ZNF536: variants seen among roughly 807,000 people sequenced by gnomAD.
ZNF536 encodes zinc finger protein 536.
Under a neutral mutation model 84.5 loss-of-function variants are expected in ZNF536, and 13 were observed. That is an observed-to-expected ratio of 0.15 (90% CI 0.10 to 0.24). The LOEUF (loss-of-function observed/expected upper bound fraction) is 0.24, where lower values mean the gene tolerates loss of function less well. Ranked by LOEUF, ZNF536 falls within the 10% of genes least tolerant of loss-of-function variation. The probability of loss-of-function intolerance (pLI) is 1.00; values close to 1 mark genes in which losing one functional copy is unlikely to be tolerated. For synonymous variants in ZNF536, 811 were observed against 742.5 expected (o/e 1.09, Z -1.50); for missense variants, 1,536 against 1,747.5 (o/e 0.88, Z 2.16).
intron 2 of ZNF536, among the ~76,000 whole-genome samples, chr19:30,478,213 T>G (rs1429742600): frequency 6.6e-6 from 1 of 151,812 alleles, no homozygotes; most frequent in African/African-American, 2.4e-5. Context: ...AACCAGATAT[T>G]AAGAAATATA....
intron 3 of ZNF536, among the ~76,000 whole-genome samples, chr19:30,362,517 A>C (rs1600391009): frequency 6.6e-6 from 1 of 152,174 alleles, no homozygotes; most frequent in African/African-American, 2.4e-5. Flanking sequence ...TCTTGGCTCC[A>C]GGCCTGTGGA....
intron 1 of ZNF536, among the ~76,000 whole-genome samples, chr19:30,606,229 TAATAAAATAAAATAAAATAAAATAAATAA>T (rs2047873038): frequency 4.2e-5 from 4 of 94,158 alleles, no homozygotes; most frequent in Non-Finnish European, 6.1e-5. Context: ...TAAAATAAAA[TAATAAAATAAAATAAAATAAAATAAATAA>T]AATAAAATAA....
intron 1 of ZNF536, among the ~76,000 whole-genome samples, chr19:30,265,893 T>C (rs79013560): frequency 2.6e-5 from 3 of 117,174 alleles, no homozygotes; most frequent in Non-Finnish European, 4.0e-5. Flanking sequence ...CTTTTCTTTT[T>C]TTTTTCTTTT....
upstream of ZNF536, among the ~76,000 whole-genome samples, chr19:30,370,774 G>T (rs554967108): frequency 6.6e-6 from 1 of 152,118 alleles, no homozygotes; most frequent in Non-Finnish European, 1.5e-5. Flanking sequence ...CAGGTACGGG[G>T]GATATTAATG....
chr19:30,292,331 T>C (rs1387850211), intron 2 of ZNF536, among the ~76,000 whole-genome samples: 2 of 152,080 alleles, frequency 1.3e-5, no homozygotes, highest in South Asian at 2.1e-4. Context: ...TTTTTTTTTT[T>C]TCTCTTTTTC....
At chr19:30,400,941 T>C (rs576832674) in intron 1 of ZNF536, among the ~76,000 whole-genome samples, 127 of 152,354 alleles carry the variant, frequency 8.3e-4, no homozygotes, top group Non-Finnish European at 1.6e-3. Flanking sequence ...GCCCAGGACC[T>C]AGGTTCCTAT....
At position 30,415,284 on chromosome 19, in the gene ZNF536, C is replaced by CTTCTT. The variant is rs2050675714; in HGVS notation, c.-2-28277_-2-28276insTTCTT. The stretch of plus-strand genomic sequence containing the variant: ...TTCTCCTCCTCCTGCTCCTCCTCCT[C>CTTCTT]CTTCTTCTTCTTCTTCTTCTTCTCC... On this transcript the variant is annotated intron_variant, in intron 1 of 4. Coordinates refer to ENST00000355537, the MANE Select transcript of ZNF536 (RefSeq NM_014717.3). Among the ~76,000 whole-genome samples, 3 of 120,188 alleles carry CTTCTT rather than the reference C, an allele frequency of 2.5e-5. 1 individual carries two copies. The highest frequency in any genetic ancestry group is 1.0e-4 in the African/African-American group (3 of 29,988). The allele number at this position is 120,188 out of a possible 152,430, so 78.8% of individuals were successfully genotyped here.
intron 1 of ZNF536, among the ~76,000 whole-genome samples, chr19:30,278,565 T>G (rs751135527): frequency 6.6e-5 from 10 of 152,066 alleles, no homozygotes; most frequent in Non-Finnish European, 1.2e-4. Flanking sequence ...AACCTTTTGG[T>G]GAACACACCT....
At chr19:30,235,287 A>G (rs1278022054) in intron 1 of ZNF536, among the ~76,000 whole-genome samples, 1 of 152,192 alleles carries the variant, frequency 6.6e-6, no homozygotes, top group Non-Finnish European at 1.5e-5. Flanking sequence ...AGCCAGCTGC[A>G]TTGGCCCAGG....
rs201561646 is a variant in ZNF536, at chr19:30,410,465, C to CTTTTTTTTT, written c.-2-33077_-2-33069dup. Among the ~76,000 whole-genome samples, 9 of 122,614 alleles carry CTTTTTTTTT rather than the reference C, an allele frequency of 7.3e-5. 1 individual carries two copies. The highest frequency in any genetic ancestry group is 2.8e-4 in the African/African-American group (7 of 24,968). The allele number at this position is 122,614 out of a possible 152,430, so 80.4% of individuals were successfully genotyped here. A position where few individuals can be genotyped will look rare whatever the true frequency, so the allele number is the denominator to read the frequency against. ...TAAATAAACAATGAAAAGTGAAGGT[C>CTTTTTTTTT]TTTTTTTTTTTTTTTTTTTTTTTTT... is the stretch of plus-strand genomic sequence containing the variant. On this transcript the variant is annotated intron_variant, in intron 1 of 4. Coordinates refer to ENST00000355537, the MANE Select transcript of ZNF536 (RefSeq NM_014717.3).
intron 1 of ZNF536, among the ~76,000 whole-genome samples, chr19:30,636,835 C>G (rs2049086700): frequency 1.3e-5 from 2 of 152,152 alleles, no homozygotes; most frequent in Admixed American, 1.3e-4. Context: ...CGTGTCTTCT[C>G]TGGTCCCTGG....
chr19:30,236,056 A>C (rs1257995320), intron 1 of ZNF536, among the ~76,000 whole-genome samples: 7 of 152,234 alleles, frequency 4.6e-5, no homozygotes, highest in African/African-American at 1.4e-4. Flanking sequence ...GTCCCCCTCC[A>C]ACAGCCCAAG....
At chr19:30,236,683 C>A (rs2023543932) in intron 1 of ZNF536, among the ~76,000 whole-genome samples, 1 of 152,152 alleles carries the variant, frequency 6.6e-6, no homozygotes, top group Non-Finnish European at 1.5e-5. Context: ...TAACTACTGC[C>A]ACCCCAAGAA....
chr19:30,382,569 A>ATT (rs34080241), intron 1 of ZNF536, among the ~76,000 whole-genome samples: 47 of 149,440 alleles, frequency 3.1e-4, no homozygotes, highest in East Asian at 5.9e-4. Context: ...TGGGCAGGGA[A>ATT]TTTTTTTTTT....
chr19:30,552,893 A>G (rs1278435138), intron 4 of ZNF536, among the ~76,000 whole-genome samples: 1 of 152,194 alleles, frequency 6.6e-6, no homozygotes, highest in Non-Finnish European at 1.5e-5. Context: ...AATAATCCCA[A>G]GGAAGAGGTT....
At position 30,335,446 on chromosome 19, in the gene ZNF536, G is replaced by A. The variant is rs185973308; in HGVS notation, c.-119-16922G>A. Among the ~76,000 whole-genome samples, 36 of 152,162 alleles carry A rather than the reference G, an allele frequency of 2.4e-4. No individual in the cohort carries two copies. The East Asian group carries it at 6.0e-3, about 25-fold the overall frequency. On this transcript the variant is annotated intron_variant, in intron 2 of 5. Coordinates refer to the ZNF536 transcript ENST00000585628. Reference sequence around the variant, plus strand: ...CGAGCATGTCATCTCCTTTTCCCACGTGGTCTGTGTGTTTTGGGAGGCCTG... The same window carrying A: ...CGAGCATGTCATCTCCTTTTCCCACATGGTCTGTGTGTTTTGGGAGGCCTG...
At chr19:30,254,929 G>A (rs2024830857) in intron 1 of ZNF536, among the ~76,000 whole-genome samples, 1 of 152,140 alleles carries the variant, frequency 6.6e-6, no homozygotes, top group Non-Finnish European at 1.5e-5. Context: ...TTTTATTTAA[G>A]GACAATCTAC....
chr19:30,573,472 T>C (rs912406544), intron 1 of ZNF536, among the ~76,000 whole-genome samples: 1 of 152,192 alleles, frequency 6.6e-6, no homozygotes, highest in African/African-American at 2.4e-5. Context: ...GGAGGCATCA[T>C]AACTCATTCT....
chr19:30,483,511 A>G (rs2054173252), intron 2 of ZNF536, among the ~76,000 whole-genome samples: 3 of 121,388 alleles, frequency 2.5e-5, no homozygotes. Flanking sequence ...TCCAACAACC[A>G]GAACACCCAG....
Sources: allele counts gnomAD v4.1 joint callset (sites outside exome capture counted in the v4.1 genomes callset), GRCh38; gene constraint gnomAD v4.1.1; transcripts MANE v1.5; gene names NCBI Gene and HGNC (gene_info 2026-07-23, HGNC 2026-07-21).